The following FBXW8 variants were observed in gnomAD, a reference collection of about 807,000 sequenced individuals.
FBXW8 encodes the protein F-box/WD repeat-containing protein 8.
In FBXW8, 57 loss-of-function variants were observed where a neutral mutation model predicts 65.3. That is an observed-to-expected ratio of 0.87 (90% CI 0.71 to 1.09). The LOEUF (loss-of-function observed/expected upper bound fraction) is 1.09, where lower values mean the gene tolerates loss of function less well. FBXW8 is among the 50% of genes least tolerant of loss of function. The pLI is 0.00. For missense variants in FBXW8, 777 were observed against 814.8 expected (o/e 0.95, Z 0.57); for synonymous variants, 308 against 330.2 (o/e 0.93, Z 0.73).
intron 1 of FBXW8, among the ~76,000 whole-genome samples, chr12:116,919,256 T>G (rs948067842): frequency 3.9e-5 from 6 of 152,192 alleles, no homozygotes; most frequent in African/African-American, 9.7e-5. Flanking sequence ...CCTAAAGTCT[T>G]GTTTCTTTTA....
chr12:116,943,223 T>G (rs1290824757), intron 2 of FBXW8, among the ~76,000 whole-genome samples: 1 of 152,234 alleles, frequency 6.6e-6, no homozygotes, highest in Non-Finnish European at 1.5e-5. Flanking sequence ...TTAGCTTCTG[T>G]TGACTGCCTT....
chr12:116,929,407 G>T (rs1044967350), intron 2 of FBXW8, among the ~76,000 whole-genome samples: 3 of 151,592 alleles, frequency 2.0e-5, no homozygotes, highest in Non-Finnish European at 1.5e-5. Context: ...GCTAATTTTT[G>T]TATTTTTAGT....
chr12:116,915,170 C>T (rs1880305002), intron 1 of FBXW8, among the ~76,000 whole-genome samples: 2 of 152,222 alleles, frequency 1.3e-5, no homozygotes, highest in Admixed American at 1.3e-4. Flanking sequence ...TGGTTGCAAG[C>T]CCCAGAGCCC....
chr12:117,000,921 G>A (rs143941875), intron 7 of FBXW8, among the ~76,000 whole-genome samples: 5 of 152,344 alleles, frequency 3.3e-5, no homozygotes, highest in African/African-American at 9.6e-5. Context: ...GACACGAGCT[G>A]CGCTCCACCT....
intron 5 of FBXW8, 32 bp downstream of exon 5, chr12:116,964,886 G>GAA: frequency 9.3e-6 from 13 of 1,405,180 alleles, no homozygotes; most frequent in South Asian, 1.4e-5. Flanking sequence ...CCCTATTAAG[G>GAA]AAAAAAAAAA....
At chr12:116,971,863 A>G (rs1884668067) in intron 5 of FBXW8, among the ~76,000 whole-genome samples, 1 of 152,144 alleles carries the variant, frequency 6.6e-6, no homozygotes, top group Non-Finnish European at 1.5e-5. Context: ...CTTGTCATGA[A>G]TTGTTTTTCA....
chr12:117,009,537 A>G (rs1046601905), intron 7 of FBXW8, among the ~76,000 whole-genome samples: 3 of 152,202 alleles, frequency 2.0e-5, no homozygotes, highest in African/African-American at 7.2e-5. Flanking sequence ...AATTTGAGGC[A>G]AGGACTCTGT....
chr12:116,958,964 C>T (rs1353097797), intron 4 of FBXW8, among the ~76,000 whole-genome samples: 1 of 152,214 alleles, frequency 6.6e-6, no homozygotes, highest in African/African-American at 2.4e-5. Flanking sequence ...CTGTTCCTGG[C>T]CTGAAGCCTC....
intron 1 of FBXW8, among the ~76,000 whole-genome samples, chr12:116,914,420 A>G (rs375255308): frequency 6.6e-6 from 1 of 151,518 alleles, no homozygotes; most frequent in African/African-American, 2.4e-5. Context: ...CCATCTCTAC[A>G]AAAATTGGCC....
intron 5 of FBXW8, among the ~76,000 whole-genome samples, chr12:116,971,408 G>T (rs1002898504): frequency 4.0e-5 from 6 of 151,568 alleles, no homozygotes; most frequent in Non-Finnish European, 1.5e-5. Flanking sequence ...TGGTGTTTAA[G>T]AAATCCTTTT....
intron 2 of FBXW8, among the ~76,000 whole-genome samples, chr12:116,942,266 C>T (rs1049909222): frequency 6.6e-6 from 1 of 151,978 alleles, no homozygotes; most frequent in Non-Finnish European, 1.5e-5. Context: ...AGCAATCCTC[C>T]TGCCTCGGCC....
intron 1 of FBXW8, among the ~76,000 whole-genome samples, chr12:116,916,911 TGA>T (rs112182660): frequency 1.4e-5 from 2 of 145,722 alleles, no homozygotes; most frequent in African/African-American, 5.0e-5. Context: ...TGTGTGTGTG[TGA>T]GAGAGAGAGA....
chr12:117,011,958 A>C (rs2135711509), intron 8 of FBXW8, among the ~76,000 whole-genome samples: 1 of 152,334 alleles, frequency 6.6e-6, no homozygotes. Context: ...ATGTGTAGGC[A>C]TTGTATTCGC....
At chr12:116,948,687 C>G (rs1883086553) in intron 3 of FBXW8, 1 of 152,166 alleles carries the variant, frequency 6.6e-6, no homozygotes, top group Non-Finnish European at 1.5e-5. Flanking sequence ...TGGCCTATCT[C>G]ACTTTTCCCA....
At chr12:117,006,866 CA>C (rs1390196541) in intron 7 of FBXW8, among the ~76,000 whole-genome samples, 4 of 152,182 alleles carry the variant, frequency 2.6e-5, no homozygotes, top group Non-Finnish European at 4.4e-5. Flanking sequence ...AAATTATAAA[CA>C]ATCCATATGG....
chr12:116,927,666 C>T (rs1399316417), intron 1 of FBXW8, among the ~76,000 whole-genome samples: 1 of 152,176 alleles, frequency 6.6e-6, no homozygotes, highest in East Asian at 1.9e-4. Flanking sequence ...GCTCACCTTT[C>T]CTTAGAGGTC....
rs1423525975 is a variant in FBXW8 at position 116,993,892 on chromosome 12, G to A, written c.1239+5023G>A. Among the ~76,000 whole-genome samples, 4 of 152,150 alleles carry A rather than the reference G, an allele frequency of 2.6e-5. No individual in the cohort carries two copies. The East Asian group carries it at 7.7e-4, about 29-fold the overall frequency. ...TTTCAAGTCTTAGATTTAAGTCTTG[G>A]TTAATTTTTATATATGGTGAGAGAA... On this transcript the variant is annotated intron_variant, in intron 7 of 10. Transcript: ENST00000652555.
intron 7 of FBXW8, among the ~76,000 whole-genome samples, chr12:117,006,544 G>A (rs184809016): frequency 1.8e-3 from 270 of 152,370 alleles, no homozygotes; most frequent in African/African-American, 6.4e-3. Context: ...CCCAGTTGTT[G>A]GGCCTGTAGC....
chr12:116,937,641 T>C (rs757982210), intron 2 of FBXW8, among the ~76,000 whole-genome samples: 14 of 152,040 alleles, frequency 9.2e-5, no homozygotes, highest in Non-Finnish European at 1.9e-4. Flanking sequence ...GTCAGTGGTG[T>C]GTTGGGGGCA....
Sources: allele counts gnomAD v4.1 joint callset (sites outside exome capture counted in the v4.1 genomes callset), GRCh38; gene constraint gnomAD v4.1.1; transcripts MANE v1.5; gene names NCBI Gene and HGNC (gene_info 2026-07-23, HGNC 2026-07-21).